LIN9: variants seen among roughly 807,000 people sequenced by gnomAD.
LIN9 encodes lin-9 DREAM MuvB core complex component.
Under a neutral mutation model 78.0 loss-of-function variants are expected in LIN9, and 18 were observed. The observed-to-expected ratio is 0.23, with a 90% CI of 0.16 to 0.34. The LOEUF is 0.34. Ranked by LOEUF, LIN9 falls within the 10% of genes least tolerant of loss-of-function variation. The pLI, the probability that LIN9 is intolerant of heterozygous loss-of-function variation, is 1.00. For synonymous variants in LIN9, 192 were observed against 215.2 expected (o/e 0.89, Z 0.94); for missense variants, 451 against 644.1 (o/e 0.70, Z 3.25).
intron 7 of LIN9, among the ~76,000 whole-genome samples, chr1:226,270,192 T>C (rs1660176136): frequency 2.0e-5 from 3 of 152,036 alleles, no homozygotes; most frequent in South Asian, 2.1e-4. Flanking sequence ...TCCCAAAGTG[T>C]TGGGATTACA....
chr1:226,276,620 T>C (rs904426044), intron 7 of LIN9, among the ~76,000 whole-genome samples: 2 of 152,222 alleles, frequency 1.3e-5, no homozygotes, highest in African/African-American at 4.8e-5. Flanking sequence ...GGAAAAATGA[T>C]ATAAATATGT....
At chr1:226,307,430 C>T (rs544337623) in intron 1 of LIN9, among the ~76,000 whole-genome samples, 22 of 152,198 alleles carry the variant, frequency 1.4e-4, no homozygotes, top group African/African-American at 4.1e-4. Flanking sequence ...GTCGGGAGTT[C>T]GAGACCAGCC....
intron 4 of LIN9, among the ~76,000 whole-genome samples, chr1:226,289,162 G>A (rs1385149529): frequency 6.6e-6 from 1 of 152,060 alleles, no homozygotes; most frequent in East Asian, 1.9e-4. Flanking sequence ...TTGAACCTGG[G>A]AGGCGGAGGT....
At chr1:226,303,202 C>CTT (rs1308752738) in intron 1 of LIN9, among the ~76,000 whole-genome samples, 13 of 152,160 alleles carry the variant, frequency 8.5e-5, no homozygotes, top group Non-Finnish European at 1.8e-4. Flanking sequence ...AAGTAGTAAC[C>CTT]ATTCACTCAC....
chr1:226,293,911 T>A (rs1465756419), intron 4 of LIN9, among the ~76,000 whole-genome samples: 1 of 152,234 alleles, frequency 6.6e-6, no homozygotes, highest in African/African-American at 2.4e-5. Flanking sequence ...TTTTGTTCAT[T>A]CTACAGAACA....
chr1:226,299,964 T>G (rs953584287), intron 2 of LIN9, among the ~76,000 whole-genome samples: 47 of 151,418 alleles, frequency 3.1e-4, no homozygotes, highest in African/African-American at 1.1e-3. Flanking sequence ...AGAGTCTTAC[T>G]CTGTCACCCA....
chr1:226,309,135 G>A lies in LIN9; in HGVS notation c.5C>T (p.Ala2Val), dbSNP rs773468274. The part of the protein sequence containing the change: M[A>V]ELDQLPDESS... ...CTCGTCAGGCAACTGGTCGAGCTCC[G>A]CCATCTTGAACGAGCCGCGCCGCTT... Residue 2 changes from alanine to valine, a missense_variant, in exon 1 of 15, where the codon GCG (alanine) becomes GTG (valine). By Grantham distance (64) the Ala-to-Val change is moderately conservative. Coordinates refer to ENST00000681046, the MANE Select transcript of LIN9 (RefSeq NM_001366245.2). 2 of 1,352,812 alleles carry A rather than the reference G, an allele frequency of 1.5e-6. No homozygotes were observed. Among genetic ancestry groups the A allele is most frequent in the South Asian group, 2.2e-5 (1 of 45,466 alleles). 83.8% of individuals were successfully genotyped at this position (1,352,812 alleles called of 1,614,324 possible).
At position 226,269,993 on chromosome 1, in the gene LIN9, G is replaced by A. The variant is rs184068444; in HGVS notation, c.683-1903C>T. Among the ~76,000 whole-genome samples, 118 of 152,162 alleles carry A rather than the reference G, an allele frequency of 7.8e-4. 2 individuals carry two copies. In the East Asian group the frequency reaches 0.021, roughly 27 times the overall value. Reference sequence around the variant, plus strand: ...GGATGGAATGCAGTGGCACGATCTCGCTCACTGCAACCTCCACCTCCCGGG... The same window carrying A: ...GGATGGAATGCAGTGGCACGATCTCACTCACTGCAACCTCCACCTCCCGGG... On this transcript the variant is annotated intron_variant, in intron 7 of 14. Transcript: ENST00000681046.
intron 11 of LIN9, among the ~76,000 whole-genome samples, chr1:226,245,644 T>G (rs966398253): frequency 1.4e-5 from 2 of 141,626 alleles, no homozygotes; most frequent in East Asian, 4.2e-4. Context: ...CAGGCTGGAG[T>G]GCAGTGGCGT....
intron 7 of LIN9, among the ~76,000 whole-genome samples, chr1:226,272,487 G>C (rs7552015): frequency 0.68 from 100,353 of 148,028 alleles, 34,096 homozygotes; most frequent in East Asian, 0.74. Flanking sequence ...TCAAGCGATC[G>C]TCTCAGCGTC....
chr1:226,289,489 A>C (rs983876826), intron 4 of LIN9, among the ~76,000 whole-genome samples: 4 of 151,988 alleles, frequency 2.6e-5, no homozygotes, highest in Non-Finnish European at 5.9e-5. Context: ...GAACCTCCCA[A>C]GTAGCTGGGA....
At chr1:226,289,838 G>GT (rs1416788756) in intron 4 of LIN9, among the ~76,000 whole-genome samples, 5 of 59,170 alleles carry the variant, frequency 8.5e-5, no homozygotes, top group African/African-American at 1.9e-4. Context: ...GTCCTCCGGG[G>GT]GGGGGGGTGG....
At chr1:226,237,555 C>T (rs998698137) in intron 12 of LIN9, among the ~76,000 whole-genome samples, 48 of 149,862 alleles carry the variant, frequency 3.2e-4, no homozygotes, top group Non-Finnish European at 5.5e-4. Flanking sequence ...TCACTTGAAC[C>T]TGGGAGGCAG....
chr1:226,248,502 T>G (rs892119254), intron 11 of LIN9, among the ~76,000 whole-genome samples: 1 of 152,232 alleles, frequency 6.6e-6, no homozygotes, highest in Non-Finnish European at 1.5e-5. Context: ...TTTCATTAAA[T>G]CTTTCATTTT....
intron 3 of LIN9, among the ~76,000 whole-genome samples, chr1:226,296,929 G>A (rs538780343): frequency 4.6e-5 from 7 of 152,220 alleles, no homozygotes; most frequent in South Asian, 2.1e-4. Context: ...GAGGCTGAGC[G>A]GGCAGGATCG....
At chr1:226,233,022 TA>T in intron 14 of LIN9, 73 bp downstream of exon 14, 2 of 894,958 alleles carry the variant, frequency 2.2e-6, no homozygotes, top group East Asian at 2.5e-5. Flanking sequence ...CAAATATGCA[TA>T]ATTCTTAAAA....
chr1:226,303,367 C>T (rs780998332), intron 1 of LIN9, among the ~76,000 whole-genome samples: 1 of 151,938 alleles, frequency 6.6e-6, no homozygotes, highest in Non-Finnish European at 1.5e-5. Context: ...ATGATAAGCA[C>T]TCTGGAAAAA....
At chr1:226,275,897 G>A (rs775437496) in intron 7 of LIN9, among the ~76,000 whole-genome samples, 137 of 151,744 alleles carry the variant, frequency 9.0e-4, no homozygotes, top group Non-Finnish European at 6.9e-4. Flanking sequence ...GCGTGGTGGC[G>A]GGTGCCGGTA....
At chr1:226,260,552 T>G (rs1659498557) in intron 10 of LIN9, among the ~76,000 whole-genome samples, 1 of 148,758 alleles carries the variant, frequency 6.7e-6, no homozygotes, top group Non-Finnish European at 1.5e-5. Context: ...TAAACACAGA[T>G]GCAAAAATCC....
Sources: allele counts gnomAD v4.1 joint callset (sites outside exome capture counted in the v4.1 genomes callset), GRCh38; gene constraint gnomAD v4.1.1; transcripts MANE v1.5; gene names NCBI Gene and HGNC (gene_info 2026-07-23, HGNC 2026-07-21).